Variants in GPATCH2 observed in about 807,000 individuals in gnomAD.
The protein encoded by GPATCH2 is G patch domain-containing protein 2.
Under a neutral mutation model 58.0 loss-of-function variants are expected in GPATCH2, and 51 were observed. That is an observed-to-expected ratio of 0.88 (90% CI 0.70 to 1.11). The LOEUF is 1.11. GPATCH2 is among the 50% of genes most tolerant of loss of function. The pLI is 0.00. For missense variants in GPATCH2, 625 were observed against 652.2 expected (o/e 0.96, Z 0.45); for synonymous variants, 222 against 218.5 (o/e 1.02, Z -0.14).
At position 217,431,027 on chromosome 1, in the gene GPATCH2, T is replaced by G. The variant is rs1658508253; in HGVS notation, c.*118A>C. On this transcript the variant is annotated 3_prime_UTR_variant, in exon 10 of 10. Transcript: ENST00000366935. ...GCAGGACTGTATGCAGTAAGGAAGC[T>G]AGAGTGATGTGTTTGAGGCAATGTA... is the stretch of plus-strand genomic sequence containing the variant. 1.3e-5 allele frequency: 9 copies of G among 706,100 alleles called. No homozygotes were observed. In the South Asian group the frequency reaches 1.5e-4, roughly 12 times the overall value. 43.7% of individuals were successfully genotyped at this position (706,100 alleles called of 1,614,324 possible). A position where few individuals can be genotyped will look rare whatever the true frequency, so the allele number is the denominator to read the frequency against.
At chr1:217,544,379 C>CTT (rs1200997149) in intron 5 of GPATCH2, among the ~76,000 whole-genome samples, 2,259 of 152,264 alleles carry the variant, frequency 0.015, 64 homozygotes, top group African/African-American at 0.051. Context: ...AGCAACAGAA[C>CTT]TAGACTCTGT....
At chr1:217,538,188 C>T (rs1454821720) in intron 5 of GPATCH2, among the ~76,000 whole-genome samples, 2 of 152,140 alleles carry the variant, frequency 1.3e-5, no homozygotes, top group South Asian at 2.1e-4. Context: ...ATGATATATT[C>T]GTTCATGCTT....
chr1:217,476,229 G>A (rs927348435), intron 8 of GPATCH2, among the ~76,000 whole-genome samples: 2 of 128,218 alleles, frequency 1.6e-5, no homozygotes, highest in African/African-American at 6.4e-5. Context: ...AAGAAATCCA[G>A]ATATGAGTGT....
chr1:217,492,856 G>A (rs955732464), intron 7 of GPATCH2, among the ~76,000 whole-genome samples: 2 of 151,954 alleles, frequency 1.3e-5, no homozygotes, highest in African/African-American at 4.8e-5. Flanking sequence ...AAAATTAATG[G>A]GACTAGCTCT....
chr1:217,528,671 G>A (rs192262492), intron 5 of GPATCH2, among the ~76,000 whole-genome samples: 150 of 152,294 alleles, frequency 9.8e-4, no homozygotes, highest in Admixed American at 1.7e-3. Context: ...TCTAGAAGAG[G>A]TGCCACATTT....
intron 5 of GPATCH2, among the ~76,000 whole-genome samples, chr1:217,585,603 A>G (rs548553365): frequency 2.0e-4 from 31 of 152,336 alleles, no homozygotes; most frequent in African/African-American, 7.0e-4. Context: ...CTGGTGACAG[A>G]GCAAGAGTCT....
At chr1:217,580,146 C>A (rs1666998555) in intron 5 of GPATCH2, among the ~76,000 whole-genome samples, 1 of 152,144 alleles carries the variant, frequency 6.6e-6, no homozygotes, top group African/African-American at 2.4e-5. Flanking sequence ...CAGACAAGCA[C>A]AAGAACTTAC....
intron 8 of GPATCH2, among the ~76,000 whole-genome samples, chr1:217,479,381 G>C (rs1363614850): frequency 6.6e-6 from 1 of 152,140 alleles, no homozygotes; most frequent in African/African-American, 2.4e-5. Context: ...AGTAGAGAAT[G>C]AGGTTGAGGC....
chr1:217,449,367 A>G, intron 8 of GPATCH2, 30 bp from the exon 9 acceptor site: 1 of 1,306,316 alleles, frequency 7.7e-7, no homozygotes, highest in Non-Finnish European at 1.1e-6. Flanking sequence ...AAAACTATTA[A>G]CAAAGAAGAA....
intron 5 of GPATCH2, among the ~76,000 whole-genome samples, chr1:217,602,251 T>C (rs1668143152): frequency 6.6e-6 from 1 of 152,078 alleles, no homozygotes; most frequent in African/African-American, 2.4e-5. Context: ...AGCCAAACCC[T>C]CCCTGCTACA....
chr1:217,606,260 G>A (rs898584249), intron 5 of GPATCH2, among the ~76,000 whole-genome samples: 1 of 151,424 alleles, frequency 6.6e-6, no homozygotes, highest in African/African-American at 2.4e-5. Flanking sequence ...GTGGTCAGGA[G>A]AAGAGTTTAG....
intron 5 of GPATCH2, among the ~76,000 whole-genome samples, chr1:217,539,032 A>T (rs1183482489): frequency 6.6e-6 from 1 of 152,170 alleles, no homozygotes; most frequent in East Asian, 1.9e-4. Context: ...GGGTGTTGGT[A>T]TGGCATATGA....
Position 217,557,268 on chromosome 1 carries a change from G to A in GPATCH2, c.1099-42379C>T, listed in dbSNP as rs140537306. ...CTAAAAATACAAAAATTGGCTGGGC[G>A]TGGTGGCGGGTGCCTGCAATCCCAG... On this transcript the variant is annotated intron_variant, in intron 5 of 9. Transcript: ENST00000366935. Among the ~76,000 whole-genome samples, 1,516 of 152,098 alleles carry A rather than the reference G, an allele frequency of 1.0e-2. 26 individuals carry two copies. The highest frequency in any genetic ancestry group is 0.034 in the African/African-American group (1,427 of 41,494).
At chr1:217,612,417 C>T (rs1440105753) in intron 3 of GPATCH2, among the ~76,000 whole-genome samples, 1 of 152,092 alleles carries the variant, frequency 6.6e-6, no homozygotes, top group East Asian at 1.9e-4. Context: ...TACTCTTAAG[C>T]TTCAGTTGAA....
At chr1:217,438,254 G>C (rs1185177110) in intron 9 of GPATCH2, among the ~76,000 whole-genome samples, 1 of 152,186 alleles carries the variant, frequency 6.6e-6, no homozygotes, top group Admixed American at 6.5e-5. Context: ...ACCAAAGGTA[G>C]ATAAATCCAC....
intron 9 of GPATCH2, among the ~76,000 whole-genome samples, chr1:217,444,144 G>C (rs1037214034): frequency 6.6e-6 from 1 of 152,210 alleles, no homozygotes; most frequent in African/African-American, 2.4e-5. Context: ...TCTTCAGAGA[G>C]TTTTCTATTT....
chr1:217,613,610 T>A (rs867800153), intron 3 of GPATCH2, among the ~76,000 whole-genome samples: 20 of 152,232 alleles, frequency 1.3e-4, no homozygotes, highest in Middle Eastern at 6.8e-3. Context: ...TGTTACAGAC[T>A]GAAGCTTCTG....
intron 8 of GPATCH2, among the ~76,000 whole-genome samples, chr1:217,463,641 CAAAAAAAAAAAAAA>C (rs201402598): frequency 6.7e-4 from 55 of 82,470 alleles, no homozygotes; most frequent in Non-Finnish European, 8.9e-4. Context: ...CTTATCACTC[CAAAAAAAAAAAAAA>C]AAAAAAAAAA....
chr1:217,468,515 CCA>C (rs10524566), intron 8 of GPATCH2, among the ~76,000 whole-genome samples: 14,115 of 142,252 alleles, frequency 0.099, 724 homozygotes, highest in Middle Eastern at 0.13. Flanking sequence ...GCACACACAA[CCA>C]CACACACACA....
Sources: allele counts gnomAD v4.1 joint callset (sites outside exome capture counted in the v4.1 genomes callset), GRCh38; gene constraint gnomAD v4.1.1; transcripts MANE v1.5; gene names NCBI Gene and HGNC (gene_info 2026-07-23, HGNC 2026-07-21).